TMEM132B: variants seen among roughly 807,000 people sequenced by gnomAD.
TMEM132B encodes the protein transmembrane protein 132B.
In TMEM132B, 18 loss-of-function variants were observed where a neutral mutation model predicts 90.8. The observed-to-expected ratio is 0.20, with a 90% CI of 0.14 to 0.29. The LOEUF (loss-of-function observed/expected upper bound fraction) is 0.29, where lower values mean the gene tolerates loss of function less well. TMEM132B is among the 10% of genes least tolerant of loss of function. The probability of loss-of-function intolerance (pLI) is 1.00; values close to 1 mark genes in which losing one functional copy is unlikely to be tolerated. For missense variants in TMEM132B, 1,096 were observed against 1,326.8 expected, an observed-to-expected ratio of 0.83 and a Z score of 2.70; for synonymous variants, 504 against 523.3, an observed-to-expected ratio of 0.96 and a Z score of 0.50.
chr12:125,320,354 C>T (rs764476495), intron 1 of TMEM132B, among the ~76,000 whole-genome samples: 12 of 152,238 alleles, frequency 7.9e-5, no homozygotes, highest in East Asian at 1.9e-4. Context: ...TCATTCTTAT[C>T]GCTCTTATTA....
chr12:125,226,068 C>T (rs539715980), intron 1 of TMEM132B, among the ~76,000 whole-genome samples: 140 of 152,286 alleles, frequency 9.2e-4, no homozygotes, highest in Admixed American at 1.4e-3. Flanking sequence ...AAAAGAATAC[C>T]GATAGTGTCC....
chr12:125,512,769 G>A (rs1242410449), intron 3 of TMEM132B, among the ~76,000 whole-genome samples: 1 of 152,142 alleles, frequency 6.6e-6, no homozygotes, highest in African/African-American at 2.4e-5. Context: ...ATGAGGAGGT[G>A]GTGCCTGGAT....
intron 3 of TMEM132B, among the ~76,000 whole-genome samples, chr12:125,501,438 A>G (rs144021910): frequency 2.6e-5 from 4 of 152,332 alleles, no homozygotes; most frequent in African/African-American, 9.6e-5. Flanking sequence ...ATAGGTAAAC[A>G]TGTGCCATGG....
chr12:125,400,379 C>G (rs1359540795), intron 2 of TMEM132B, among the ~76,000 whole-genome samples: 1 of 152,212 alleles, frequency 6.6e-6, no homozygotes, highest in Non-Finnish European at 1.5e-5. Context: ...GTGTCCTGTT[C>G]TCATAGCTGA....
chr12:125,409,621 A>AGTGGAGGAGT (rs1555246841), intron 2 of TMEM132B, among the ~76,000 whole-genome samples: 17 of 48,656 alleles, frequency 3.5e-4, no homozygotes, highest in Non-Finnish European at 7.6e-5. Context: ...AGTGGAGTGG[A>AGTGGAGGAGT]GGAGTGGAGT....
At chr12:125,375,958 T>A (rs933631368) in intron 2 of TMEM132B, among the ~76,000 whole-genome samples, 1 of 152,244 alleles carries the variant, frequency 6.6e-6, no homozygotes, top group East Asian at 1.9e-4. Context: ...ATAACTCAGA[T>A]GACTGTAGGT....
chr12:125,218,601 C>A (rs1308609584), intron 1 of TMEM132B, among the ~76,000 whole-genome samples: 3 of 152,016 alleles, frequency 2.0e-5, no homozygotes, highest in Non-Finnish European at 4.4e-5. Context: ...GGTTGTGGAT[C>A]AAGATTATGA....
chr12:125,591,394 C>T (rs1207785627), intron 5 of TMEM132B, among the ~76,000 whole-genome samples: 3 of 152,124 alleles, frequency 2.0e-5, no homozygotes, highest in Non-Finnish European at 4.4e-5. Flanking sequence ...CTCCAACTCT[C>T]TCTCTCTTCC....
intron 3 of TMEM132B, among the ~76,000 whole-genome samples, chr12:125,494,995 T>G (rs1434188326): frequency 1.3e-5 from 1 of 79,556 alleles, no homozygotes; most frequent in African/African-American, 5.0e-5. Context: ...GAAATGGCTG[T>G]GTCCCTCCTC....
At chr12:125,275,448 C>G (rs1396095335) in intron 1 of TMEM132B, among the ~76,000 whole-genome samples, 1 of 152,100 alleles carries the variant, frequency 6.6e-6, no homozygotes, top group Non-Finnish European at 1.5e-5. Context: ...AGTCCCTTGC[C>G]CTTGATGGAG....
intron 4 of TMEM132B, among the ~76,000 whole-genome samples, chr12:125,540,610 G>T (rs1883928267): frequency 3.3e-5 from 5 of 152,096 alleles, no homozygotes; most frequent in Admixed American, 3.3e-4. Flanking sequence ...TACTTTATCT[G>T]ATACTGTTAT....
intron 5 of TMEM132B, among the ~76,000 whole-genome samples, chr12:125,629,192 A>T (rs1420678653): frequency 6.6e-6 from 1 of 151,650 alleles, no homozygotes; most frequent in African/African-American, 2.4e-5. Flanking sequence ...GAAGAATGTC[A>T]TTGGTATTTT....
chr12:125,563,672 A>G (rs1357930257), intron 4 of TMEM132B, among the ~76,000 whole-genome samples: 1 of 152,176 alleles, frequency 6.6e-6, no homozygotes, highest in African/African-American at 2.4e-5. Flanking sequence ...GGCCCTTTGA[A>G]AAGTGAATAA....
intron 4 of TMEM132B, among the ~76,000 whole-genome samples, chr12:125,569,329 A>C (rs933812900): frequency 5.9e-5 from 9 of 152,132 alleles, no homozygotes; most frequent in Non-Finnish European, 1.0e-4. Context: ...TTGCTGGCCC[A>C]GGGTCACCTA....
At chr12:125,500,086 C>T (rs1043371409) in intron 3 of TMEM132B, among the ~76,000 whole-genome samples, 11 of 152,184 alleles carry the variant, frequency 7.2e-5, no homozygotes, top group Admixed American at 3.9e-4. Context: ...TCCCCCGGGA[C>T]CCAGCTTTCA....
At chr12:125,481,931 G>C (rs899719190) in intron 3 of TMEM132B, among the ~76,000 whole-genome samples, 23 of 152,178 alleles carry the variant, frequency 1.5e-4, no homozygotes, top group African/African-American at 5.1e-4. Flanking sequence ...CAGAACAGAG[G>C]CCTCAGAAAT....
chr12:125,288,500 C>T (rs1875434561), intron 1 of TMEM132B, among the ~76,000 whole-genome samples: 1 of 150,656 alleles, frequency 6.6e-6, no homozygotes, highest in South Asian at 2.1e-4. Context: ...AGCTTTGCAG[C>T]AGGGATGGTG....
rs538262140 is a variant in TMEM132B at position 125,270,185 on chromosome 12, G to A, written c.68-79267G>A. 1.6e-3 allele frequency among the ~76,000 whole-genome samples: 235 copies of A among 150,792 alleles called. 2 individuals carry two copies. The highest frequency in any genetic ancestry group is 5.6e-3 in the African/African-American group (229 of 40,848). On this transcript the variant is annotated intron_variant, in intron 1 of 8. Transcript: ENST00000682704. ...GAGGTCTTGCTCTGTAACCCAGACT[G>A]GAGTGCAGTGGTGCAATCACAGCTC...
intron 4 of TMEM132B, among the ~76,000 whole-genome samples, chr12:125,563,146 CGTAATAATAATAATAATA>C (rs1414834676): frequency 6.5e-5 from 6 of 92,540 alleles, no homozygotes; most frequent in Admixed American, 3.6e-4. Context: ...CACCATAATG[CGTAATAATAATAATAATA>C]ATAATAATAA....
Sources: gnomAD v4.1 joint callset for allele counts (sites outside exome capture counted in the v4.1 genomes callset) on GRCh38, gnomAD v4.1.1 for gene constraint, MANE v1.5 for transcripts, NCBI Gene and HGNC (gene_info 2026-07-23, HGNC 2026-07-21) for gene names.